Variants in SPATA13 observed in about 807,000 individuals in gnomAD.
The protein encoded by SPATA13 is spermatogenesis-associated protein 13.
In SPATA13, 50 loss-of-function variants were observed where a neutral mutation model predicts 104.0. The observed-to-expected ratio is 0.48, with a 90% CI of 0.38 to 0.61. The LOEUF (loss-of-function observed/expected upper bound fraction) is 0.61. Among genes scored for constraint, SPATA13 ranks in the 20% least tolerant of loss-of-function variants. SPATA13 has a pLI of 0.00. For synonymous variants in SPATA13, 606 were observed against 667.5 expected (o/e 0.91, Z 1.42); for missense variants, 1,524 against 1,690.6 (o/e 0.90, Z 1.73).
rs940869160 is a variant in SPATA13, at chr13:24,306,662, A to T, written c.*3889A>T. On this transcript the variant is annotated 3_prime_UTR_variant, in exon 13 of 13. Transcript: ENST00000382108. ...AAAAAAGCAAAAGCTTAAATATTTG[A>T]TACAAGTTTACTTAGCTACAACATA... The T allele has an allele frequency of 6.6e-6, 1 of 152,228 alleles. No homozygotes were observed. The highest frequency in any genetic ancestry group is 1.5e-5 in the Non-Finnish European group (1 of 68,042). 9.4% of individuals were successfully genotyped at this position (152,228 alleles called of 1,614,324 possible). A position where few individuals can be genotyped will look rare whatever the true frequency, so the allele number is the denominator to read the frequency against.
chr13:24,250,625 A>G (rs928784035), intron 3 of SPATA13, among the ~76,000 whole-genome samples: 11 of 152,230 alleles, frequency 7.2e-5, no homozygotes, highest in African/African-American at 2.4e-4. Flanking sequence ...ATGGAGTACT[A>G]GTACTGGATT....
At chr13:24,069,180 G>A (rs1412004808) in intron 3 of SPATA13, among the ~76,000 whole-genome samples, 1 of 152,094 alleles carries the variant, frequency 6.6e-6, no homozygotes, top group Non-Finnish European at 1.5e-5. Flanking sequence ...TAGTTCAATA[G>A]GAATAGCATT....
chr13:24,267,769 A>G (rs1468712152), intron 4 of SPATA13, among the ~76,000 whole-genome samples: 2 of 152,228 alleles, frequency 1.3e-5, no homozygotes, highest in Admixed American at 6.5e-5. Context: ...CATTCTGACT[A>G]AACTCAAGCC....
At position 24,009,191 on chromosome 13, in the gene SPATA13, C is replaced by G. The variant is rs904008892; in HGVS notation, c.-146-8476C>G. Reference sequence around the variant, plus strand: ...AGCTGACACATTTAGTTCAGTGCATCCCAGACATCACCATGTGGAAGTGAG... The same window carrying G: ...AGCTGACACATTTAGTTCAGTGCATGCCAGACATCACCATGTGGAAGTGAG... On this transcript the variant is annotated intron_variant, in intron 2 of 14. Transcript: ENST00000424834. 3.9e-5 allele frequency among the ~76,000 whole-genome samples: 6 copies of G among 152,334 alleles called. No individual in the cohort carries two copies. The East Asian group carries it at 1.2e-3, about 29-fold the overall frequency.
chr13:24,225,347 G>A (rs1871867701), intron 2 of SPATA13, among the ~76,000 whole-genome samples: 2 of 152,256 alleles, frequency 1.3e-5, no homozygotes, highest in African/African-American at 4.8e-5. Flanking sequence ...TGGACCAGAT[G>A]CACTGTAGCT....
At chr13:24,212,416 C>T (rs1377506842) in intron 1 of SPATA13, among the ~76,000 whole-genome samples, 1 of 152,118 alleles carries the variant, frequency 6.6e-6, no homozygotes, top group Non-Finnish European at 1.5e-5. Flanking sequence ...GGTAGCTTTG[C>T]CTGCGTTCCT....
chr13:24,255,380 A>G (rs1298314037), intron 4 of SPATA13, among the ~76,000 whole-genome samples: 4 of 152,022 alleles, frequency 2.6e-5, no homozygotes, highest in African/African-American at 9.7e-5. Context: ...TCTGCTTGCC[A>G]GCCCTGGAGA....
At chr13:24,232,800 C>T (rs894424574) in intron 2 of SPATA13, among the ~76,000 whole-genome samples, 7 of 152,182 alleles carry the variant, frequency 4.6e-5, no homozygotes, top group Non-Finnish European at 7.4e-5. Context: ...CTGCCTGCCT[C>T]GGCCTCCCGG....
intron 3 of SPATA13, among the ~76,000 whole-genome samples, chr13:24,066,862 A>C (rs528540932): frequency 1.3e-5 from 2 of 152,306 alleles, no homozygotes; most frequent in South Asian, 4.1e-4. Flanking sequence ...CTCCGGCCAG[A>C]TCTGGCAGAC....
At chr13:24,079,939 G>A (rs1879455008) in intron 3 of SPATA13, among the ~76,000 whole-genome samples, 1 of 152,160 alleles carries the variant, frequency 6.6e-6, no homozygotes, top group Non-Finnish European at 1.5e-5. Context: ...TGAAGATGCT[G>A]ACTTTCAAGT....
At position 24,011,444 on chromosome 13, in the gene SPATA13, G is replaced by A. The variant is rs186748687; in HGVS notation, c.-146-6223G>A. Among the ~76,000 whole-genome samples, 3 of 152,188 alleles carry A rather than the reference G, an allele frequency of 2.0e-5. No individual in the cohort carries two copies. The highest frequency in any genetic ancestry group is 2.1e-4 in the South Asian group (1 of 4,830). On this transcript the variant is annotated intron_variant, in intron 2 of 14. Transcript: ENST00000424834. This position sits in a 1 kb window ranked among gnomAD's most constrained non-coding sequence, Gnocchi z 4.3. ...GCTGCCCTCCCCTGGAGAATGTGGC[G>A]ACCCAGCAGCAGGTGGTTGAGAGTG...
intron 1 of SPATA13, among the ~76,000 whole-genome samples, chr13:24,172,249 G>A (rs181473655): frequency 4.6e-5 from 7 of 152,300 alleles, no homozygotes; most frequent in African/African-American, 1.7e-4. Context: ...GTTATTCTCC[G>A]ATGATACTAA....
intron 4 of SPATA13, among the ~76,000 whole-genome samples, chr13:24,264,095 G>A (rs1456510159): frequency 6.6e-6 from 1 of 152,118 alleles, no homozygotes; most frequent in Non-Finnish European, 1.5e-5. Flanking sequence ...TTTTTAGAAG[G>A]AATATAGTGT....
intron 1 of SPATA13, among the ~76,000 whole-genome samples, chr13:24,173,541 G>A (rs1883089894): frequency 6.8e-6 from 1 of 147,826 alleles, no homozygotes; most frequent in Non-Finnish European, 1.5e-5. Flanking sequence ...TATTGCATTG[G>A]CTATGGCATC....
At chr13:24,249,018 C>A (rs556353706) in intron 2 of SPATA13, among the ~76,000 whole-genome samples, 4 of 152,032 alleles carry the variant, frequency 2.6e-5, no homozygotes, top group African/African-American at 9.7e-5. Flanking sequence ...TACAGACACG[C>A]GCCACCGCGC....
At chr13:24,264,809 C>CT (rs1271413643) in intron 4 of SPATA13, among the ~76,000 whole-genome samples, 1 of 152,196 alleles carries the variant, frequency 6.6e-6, no homozygotes, top group African/African-American at 2.4e-5. Flanking sequence ...AACAGGAAAA[C>CT]AATGGCCTTC....
intron 1 of SPATA13, among the ~76,000 whole-genome samples, chr13:24,171,272 C>T (rs7337393): frequency 0.33 from 49,652 of 151,780 alleles, 8,232 homozygotes; most frequent in East Asian, 0.52. Context: ...ATGTGTTCAG[C>T]GCTGTCATTT....
At chr13:24,105,182 G>A (rs569680445) in intron 3 of SPATA13, among the ~76,000 whole-genome samples, 1 of 152,164 alleles carries the variant, frequency 6.6e-6, no homozygotes. Context: ...GAGTGCAGTG[G>A]CATGATCATG....
chr13:24,298,894 T>C (rs575702083), intron 11 of SPATA13, among the ~76,000 whole-genome samples: 8 of 152,162 alleles, frequency 5.3e-5, no homozygotes, highest in Non-Finnish European at 8.8e-5. Context: ...TGGGTAGACA[T>C]TGGCCTGGAC....
Sources: allele counts gnomAD v4.1 joint callset (sites outside exome capture counted in the v4.1 genomes callset), GRCh38; gene constraint gnomAD v4.1.1; non-coding constraint Gnocchi (gnomAD v3.1); transcripts MANE v1.5; gene names NCBI Gene and HGNC (gene_info 2026-07-23, HGNC 2026-07-21).